Variants in BCAS1 observed in about 807,000 individuals in gnomAD.
BCAS1 encodes the protein breast carcinoma-amplified sequence 1.
A neutral mutation model predicts 65.4 loss-of-function variants in BCAS1; 46 were observed. The observed-to-expected ratio is 0.70, with a 90% CI of 0.55 to 0.90. BCAS1 has a LOEUF of 0.90. BCAS1 is among the 40% of genes least tolerant of loss of function. The pLI, the probability that BCAS1 is intolerant of heterozygous loss-of-function variation, is 0.00. For missense variants in BCAS1, 793 were observed against 771.2 expected, an observed-to-expected ratio of 1.03 and a Z score of -0.33; for synonymous variants, 298 against 293.5, an observed-to-expected ratio of 1.02 and a Z score of -0.16.
rs201975324 is a variant in BCAS1 at position 54,033,930 on chromosome 20, C to T, written c.143-4958G>A. 3.3e-5 allele frequency among the ~76,000 whole-genome samples: 5 copies of T among 151,230 alleles called. 1 individual carries two copies. The highest frequency in any genetic ancestry group is 7.4e-5 in the Non-Finnish European group (5 of 67,570). On this transcript the variant is annotated intron_variant, in intron 3 of 12. Coordinates refer to ENST00000688948, the MANE Select transcript of BCAS1 (RefSeq NM_001366298.2). ...CTGGCAAACTGAATCCAGCAGCACA[C>T]CAAAAAGCTTATCCACCATGATCAA...
chr20:54,041,014 C>T (rs559077158), intron 3 of BCAS1, among the ~76,000 whole-genome samples: 5 of 151,276 alleles, frequency 3.3e-5, no homozygotes, highest in South Asian at 2.1e-4. Context: ...AACAAAGCAC[C>T]GATCCATGTT....
intron 7 of BCAS1, among the ~76,000 whole-genome samples, chr20:53,991,109 AACATCAT>A (rs2145815483): frequency 6.6e-6 from 1 of 152,340 alleles, no homozygotes; most frequent in African/African-American, 2.4e-5. Context: ...GATCTGGGGA[AACATCAT>A]ACACTTCTTA....
Position 54,016,429 on chromosome 20 carries a change from A to G in BCAS1, c.723+11963T>C, listed in dbSNP as rs371297214. On this transcript the variant is annotated intron_variant, in intron 4 of 12. Transcript: ENST00000688948. ...TCAAATTCGTGTACTTGGGATATTCATCACTTCAAATATTTGTCTTCTCTT... is the reference window on the plus strand; with the variant it reads ...TCAAATTCGTGTACTTGGGATATTCGTCACTTCAAATATTTGTCTTCTCTT... Among the ~76,000 whole-genome samples, 21 of 152,352 alleles carry G rather than the reference A, an allele frequency of 1.4e-4. 1 individual carries two copies. Among genetic ancestry groups the G allele is most frequent in the East Asian group, 9.6e-4 (5 of 5,190 alleles).
At chr20:53,972,047 C>T (rs2090193036) in intron 9 of BCAS1, among the ~76,000 whole-genome samples, 1 of 152,150 alleles carries the variant, frequency 6.6e-6, no homozygotes, top group South Asian at 2.1e-4. Flanking sequence ...GTTGACATCA[C>T]TCTGTTTTTT....
At chr20:54,023,821 C>T (rs139189437) in intron 4 of BCAS1, among the ~76,000 whole-genome samples, 111 of 152,308 alleles carry the variant, frequency 7.3e-4, no homozygotes, top group Non-Finnish European at 1.2e-3. Context: ...ATACCTTTCT[C>T]ACCCAAGTTA....
Position 53,953,597 on chromosome 20 carries a change from T to C in BCAS1, c.1650A>G (p.Ser550=). The C allele has an allele frequency of 6.2e-7, 1 of 1,613,960 alleles. No homozygotes were observed. Among genetic ancestry groups the C allele is most frequent in the Non-Finnish European group, 8.5e-7 (1 of 1,179,984 alleles). Residue 550 remains serine, a synonymous_variant, in exon 12 of 13, where the codon TCA becomes TCG. Transcript: ENST00000688948. ...TCTTCTGCTTGTTCATCTCGGCTGCTGACTTCTTGTCCTTCGAGGAGCCCT... is the reference window on the plus strand; with the variant it reads ...TCTTCTGCTTGTTCATCTCGGCTGCCGACTTCTTGTCCTTCGAGGAGCCCT... The part of the protein sequence containing the change: ...GKEGSSKDKK[S]AAEMNKQKSN...
intron 2 of BCAS1, 133 bp from the exon 3 acceptor site, chr20:54,058,287 T>A: frequency 1.2e-6 from 1 of 823,502 alleles, no homozygotes; most frequent in Non-Finnish European, 2.0e-6. Context: ...TTCTAGAAAC[T>A]CCCCAGTTTT....
intron 1 of BCAS1, among the ~76,000 whole-genome samples, chr20:54,066,969 T>C (rs971038174): frequency 6.6e-6 from 1 of 152,268 alleles, no homozygotes; most frequent in Non-Finnish European, 1.5e-5. Flanking sequence ...TATAGTTTTA[T>C]GAAATATTTA....
chr20:53,975,350 TGA>T, intron 9 of BCAS1, 37 bp downstream of exon 9: 4 of 1,583,998 alleles, frequency 2.5e-6, no homozygotes, highest in Non-Finnish European at 3.5e-6. Context: ...TGGCGGAAGA[TGA>T]GAATGGAATG....
chr20:53,944,986 C>T lies in BCAS1; in HGVS notation c.1826G>A (p.Arg609Gln), dbSNP rs755331001. ...GGFFKGLGPKRMLDAQVQTDP... is the reference protein window; with the variant it reads ...GGFFKGLGPKQMLDAQVQTDP... ...TGTTTGCACTTGAGCATCCAACATC[C>T]GCTTTGGTCCCTGGAGAAAAACAGA... Residue 609 changes from arginine (R) to glutamine (Q), a missense_variant, in exon 13 of 13, where the codon CGG becomes CAG. Transcript: ENST00000688948. The T allele has an allele frequency of 9.3e-6, 15 of 1,613,914 alleles. No homozygotes were observed. The highest frequency in any genetic ancestry group is 6.7e-5 in the African/African-American group (5 of 74,876).
At chr20:53,978,289 A>G (rs2090388112) in intron 8 of BCAS1, among the ~76,000 whole-genome samples, 1 of 151,610 alleles carries the variant, frequency 6.6e-6, no homozygotes, top group Admixed American at 6.6e-5. Context: ...TCCATGTACC[A>G]CCTCTATTCA....
In BCAS1 at chr20:53,957,453, A is replaced by G; in HGVS notation, c.1530T>C (p.Asn510=). 1.2e-6 allele frequency: 2 copies of G among 1,614,126 alleles called. No individual in the cohort carries two copies. Among genetic ancestry groups the G allele is most frequent in the South Asian group, 1.1e-5 (1 of 91,072 alleles). ...DGGITHSEEI[N]GKDSSCQTSD... ...TTACTTGGCAGCTGGAGTCTTTCCC[A>G]TTTATTTCTTCTGAGTGGGTGATCC... The change falls in exon 11 of 13, where the codon AAT becomes AAC. Residue 510 remains asparagine (N), a synonymous_variant. Transcript: ENST00000688948.
intron 3 of BCAS1, among the ~76,000 whole-genome samples, chr20:54,055,448 C>T (rs2092283173): frequency 6.6e-6 from 1 of 152,028 alleles, no homozygotes; most frequent in South Asian, 2.1e-4. Flanking sequence ...GTGGAAACCT[C>T]CGATAAAACC....
At chr20:54,002,240 T>A (rs1357855771) in intron 4 of BCAS1, among the ~76,000 whole-genome samples, 1 of 151,956 alleles carries the variant, frequency 6.6e-6, no homozygotes, top group East Asian at 1.9e-4. Flanking sequence ...CCTCAGTTCC[T>A]CCCCCCTAGG....
intron 9 of BCAS1, among the ~76,000 whole-genome samples, chr20:53,970,113 G>A (rs1299855195): frequency 2.0e-5 from 3 of 152,018 alleles, no homozygotes; most frequent in Non-Finnish European, 4.4e-5. Flanking sequence ...AAGACCTGGA[G>A]GAAAAATTAC....
In BCAS1 at chr20:54,058,100, G is replaced by GAACT. The variant is rs2092323684; in HGVS notation, c.123_126dup (p.Gln43SerfsTer17). 1.2e-6 allele frequency: 2 copies of GAACT among 1,613,072 alleles called. No homozygotes were observed. On this transcript the variant is annotated frameshift_variant, in exon 3 of 13. Coordinates refer to ENST00000688948, the MANE Select transcript of BCAS1 (RefSeq NM_001366298.2). LOFTEE classifies it high-confidence loss of function. ...TAGCACTGACCTTCCTCTAAGTGCT[G>GAACT]AACTGTGTGGGTCGACACCACCACT...
chr20:54,058,257 A>G, intron 2 of BCAS1, 103 bp from the exon 3 acceptor site: 5 of 1,066,356 alleles, frequency 4.7e-6, no homozygotes, highest in Non-Finnish European at 7.0e-6. Context: ...AAAAAATTAA[A>G]CTTAACTTAA....
At chr20:53,993,286 G>A (rs1017001468) in intron 6 of BCAS1, among the ~76,000 whole-genome samples, 3 of 152,210 alleles carry the variant, frequency 2.0e-5, no homozygotes, top group African/African-American at 7.2e-5. Context: ...GTTGGCTCAA[G>A]TTACAAATGT....
At chr20:54,045,817 C>T (rs1285321124) in intron 3 of BCAS1, among the ~76,000 whole-genome samples, 3 of 152,212 alleles carry the variant, frequency 2.0e-5, no homozygotes, top group South Asian at 4.1e-4. Context: ...CACTAATTCC[C>T]TTTTGGTTTT....
Sources: allele counts gnomAD v4.1 joint callset (sites outside exome capture counted in the v4.1 genomes callset), GRCh38; gene constraint gnomAD v4.1.1; transcripts MANE v1.5; gene names NCBI Gene and HGNC (gene_info 2026-07-23, HGNC 2026-07-21).